The following TRPM3 variants were observed in gnomAD, a reference collection of about 807,000 sequenced individuals.
The protein encoded by TRPM3 is transient receptor potential cation channel subfamily M member 3.
Under a neutral mutation model 181.2 loss-of-function variants are expected in TRPM3, and 77 were observed. The observed-to-expected ratio is 0.42, with a 90% CI of 0.35 to 0.51. The LOEUF (loss-of-function observed/expected upper bound fraction) is 0.51, where lower values mean the gene tolerates loss of function less well. Among genes scored for constraint, TRPM3 ranks in the 20% least tolerant of loss-of-function variants. The probability of loss-of-function intolerance (pLI) is 0.01; values close to 1 mark genes in which losing one functional copy is unlikely to be tolerated. For missense variants in TRPM3, 1,759 were observed against 2,196.7 expected (o/e 0.80, Z 3.98); for synonymous variants, 745 against 796.4 (o/e 0.94, Z 1.09).
intron 1 of TRPM3, among the ~76,000 whole-genome samples, chr9:71,395,183 C>T (rs2093161277): frequency 6.6e-6 from 1 of 152,190 alleles, no homozygotes; most frequent in Non-Finnish European, 1.5e-5. Context: ...CAGCTCAAGT[C>T]CACATCTATC....
In TRPM3 at chr9:71,186,316, T is replaced by C. The variant is rs918652852; in HGVS notation, c.183+260337A>G. ...TTTAGTCCCTAGGTTATTTACTATA[T>C]CAAAAACATTTCAGAAATTAACTAT... is the stretch of plus-strand genomic sequence containing the variant. On this transcript the variant is annotated intron_variant, in intron 1 of 24. Coordinates refer to the TRPM3 transcript ENST00000357533. Among the ~76,000 whole-genome samples the C allele has an allele frequency of 8.5e-5, 13 of 152,178 alleles. No homozygotes were observed. The South Asian group carries it at 2.7e-3, about 32-fold the overall frequency.
At chr9:71,221,180 C>A (rs909160803) in intron 1 of TRPM3, among the ~76,000 whole-genome samples, 10 of 152,186 alleles carry the variant, frequency 6.6e-5, no homozygotes, top group Non-Finnish European at 1.0e-4. Context: ...TGGGCCAAAT[C>A]CTGACTCTTC....
chr9:70,739,334 C>T (rs573683402), intron 8 of TRPM3, among the ~76,000 whole-genome samples: 2 of 152,206 alleles, frequency 1.3e-5, no homozygotes, highest in Admixed American at 6.5e-5. Context: ...ATATGCAAGT[C>T]GATAAATGTG....
Position 71,117,256 on chromosome 9 carries a change from T to G in TRPM3, c.177+3922A>C, listed in dbSNP as rs555121550. Among the ~76,000 whole-genome samples the G allele has an allele frequency of 2.1e-4, 32 of 152,276 alleles. 1 individual carries two copies. The South Asian group carries it at 6.7e-3, about 32-fold the overall frequency. On this transcript the variant is annotated intron_variant, in intron 1 of 25. Transcript: ENST00000677713. ...CCAAAGCAACTATACAATACCTAAA[T>G]CTGGTGATCACCTCGCTGCAAAAAT...
At chr9:70,753,704 T>A (rs1215970761) in intron 8 of TRPM3, among the ~76,000 whole-genome samples, 1 of 152,064 alleles carries the variant, frequency 6.6e-6, no homozygotes, top group African/African-American at 2.4e-5. Flanking sequence ...AGGTTCAGGT[T>A]CAATATGAAT....
chr9:71,084,222 A>G (rs570441103), intron 1 of TRPM3, among the ~76,000 whole-genome samples: 5 of 152,146 alleles, frequency 3.3e-5, no homozygotes, highest in Admixed American at 1.3e-4. Flanking sequence ...TGCTTGGTCC[A>G]GTATATACTA....
chr9:70,949,235 T>C (rs2096969635), intron 1 of TRPM3, among the ~76,000 whole-genome samples: 1 of 152,024 alleles, frequency 6.6e-6, no homozygotes, highest in Non-Finnish European at 1.5e-5. Context: ...AAAAATAATT[T>C]TTAGTAGAGA....
chr9:70,659,636 A>T (rs912639373), intron 9 of TRPM3, among the ~76,000 whole-genome samples: 7 of 152,172 alleles, frequency 4.6e-5, no homozygotes, highest in Admixed American at 6.5e-5. Flanking sequence ...AAACTATAGT[A>T]TACCTGTTGT....
intron 1 of TRPM3, among the ~76,000 whole-genome samples, chr9:71,059,422 G>A (rs1000085930): frequency 6.6e-6 from 1 of 152,000 alleles, no homozygotes; most frequent in Non-Finnish European, 1.5e-5. Flanking sequence ...GTCTCCCTGG[G>A]TTGGACCCCG....
chr9:71,173,609 C>T (rs1333550966), intron 1 of TRPM3, among the ~76,000 whole-genome samples: 1 of 152,194 alleles, frequency 6.6e-6, no homozygotes, highest in Non-Finnish European at 1.5e-5. Context: ...GAGGGAGGTG[C>T]ATGAATTCCT....
chr9:71,268,202 G>C (rs1200719473), intron 1 of TRPM3, among the ~76,000 whole-genome samples: 1 of 152,014 alleles, frequency 6.6e-6, no homozygotes, highest in East Asian at 1.9e-4. Flanking sequence ...CCAACATGGT[G>C]AAACAATGCC....
At chr9:70,545,253 A>G (rs1210835344) in intron 25 of TRPM3, among the ~76,000 whole-genome samples, 4 of 152,220 alleles carry the variant, frequency 2.6e-5, no homozygotes, top group Non-Finnish European at 4.4e-5. Context: ...GTACTAGTCA[A>G]GTACATAGTA....
At chr9:71,087,836 T>G (rs190908691) in intron 1 of TRPM3, among the ~76,000 whole-genome samples, 1 of 152,078 alleles carries the variant, frequency 6.6e-6, no homozygotes, top group African/African-American at 2.4e-5. Context: ...CATGGTATAA[T>G]TGTACTTTGA....
upstream of TRPM3, among the ~76,000 whole-genome samples, chr9:71,123,089 T>C (rs2073816276): frequency 6.6e-6 from 1 of 152,220 alleles, no homozygotes; most frequent in Admixed American, 6.5e-5. Flanking sequence ...AAGTCTAACA[T>C]ACTAGTATAA....
intron 1 of TRPM3, among the ~76,000 whole-genome samples, chr9:70,931,280 A>G (rs972080186): frequency 1.6e-4 from 24 of 152,298 alleles, no homozygotes; most frequent in Non-Finnish European, 3.4e-4. Flanking sequence ...AAAATGCAAG[A>G]GTAAATTTGA....
At chr9:71,412,696 C>T (rs1242143866) in intron 1 of TRPM3, among the ~76,000 whole-genome samples, 2 of 152,122 alleles carry the variant, frequency 1.3e-5, no homozygotes, top group African/African-American at 4.8e-5. Context: ...GTGGTGATTC[C>T]TCAAGGATCT....
chr9:70,554,758 A>G (rs553270799), intron 22 of TRPM3, among the ~76,000 whole-genome samples: 1 of 152,320 alleles, frequency 6.6e-6, no homozygotes, highest in East Asian at 1.9e-4. Flanking sequence ...TTCTCAGCCT[A>G]TGAGGATTTT....
At chr9:70,665,248 T>C (rs1438959407) in intron 9 of TRPM3, among the ~76,000 whole-genome samples, 1 of 152,124 alleles carries the variant, frequency 6.6e-6, no homozygotes, top group Non-Finnish European at 1.5e-5. Flanking sequence ...GTGTAAGATC[T>C]CACTCACTCT....
At chr9:71,116,391 C>T (rs911789550) in intron 1 of TRPM3, among the ~76,000 whole-genome samples, 6 of 152,256 alleles carry the variant, frequency 3.9e-5, no homozygotes, top group Admixed American at 1.3e-4. Flanking sequence ...ATTTAAAACA[C>T]AATTGAAACA....
Sources: gnomAD v4.1 joint callset for allele counts (sites outside exome capture counted in the v4.1 genomes callset) on GRCh38, gnomAD v4.1.1 for gene constraint, MANE v1.5 for transcripts, NCBI Gene and HGNC (gene_info 2026-07-23, HGNC 2026-07-21) for gene names.